The following ERC1 variants were observed in gnomAD, a reference collection of about 807,000 sequenced individuals.
The protein encoded by ERC1 is ELKS/RAB6-interacting/CAST family member 1.
Under a neutral mutation model 132.0 loss-of-function variants are expected in ERC1, and 56 were observed. That is an observed-to-expected ratio of 0.42 (90% CI 0.34 to 0.53). The LOEUF is 0.53. Among genes scored for constraint, ERC1 ranks in the 20% least tolerant of loss-of-function variants. The pLI, the probability that ERC1 is intolerant of heterozygous loss-of-function variation, is 0.03. For missense variants in ERC1, 1,202 were observed against 1,349.9 expected (o/e 0.89, Z 1.72); for synonymous variants, 478 against 476.1 (o/e 1.00, Z -0.05).
intron 18 of ERC1, among the ~76,000 whole-genome samples, chr12:1,457,764 A>G (rs542772293): frequency 1.3e-5 from 2 of 152,166 alleles, no homozygotes; most frequent in Non-Finnish European, 2.9e-5. Flanking sequence ...ATGGTGGTGC[A>G]TGCCTGTGGT....
intron 3 of ERC1, among the ~76,000 whole-genome samples, chr12:1,103,132 C>T (rs975127797): frequency 1.3e-5 from 2 of 152,130 alleles, no homozygotes; most frequent in East Asian, 3.8e-4. Flanking sequence ...GCGACAATGG[C>T]ATTATCACAA....
chr12:1,451,308 C>CT (rs2093420871), intron 18 of ERC1, among the ~76,000 whole-genome samples: 1 of 151,882 alleles, frequency 6.6e-6, no homozygotes, highest in Non-Finnish European at 1.5e-5. Context: ...CATCATATTC[C>CT]TTCTCTCTAA....
intron 15 of ERC1, among the ~76,000 whole-genome samples, chr12:1,350,291 G>C (rs905824566): frequency 3.3e-5 from 5 of 152,220 alleles, no homozygotes; most frequent in African/African-American, 9.6e-5. Flanking sequence ...AGACACAGTG[G>C]TGGGTTGAGA....
intron 2 of ERC1, among the ~76,000 whole-genome samples, chr12:1,036,755 T>C (rs1469881126): frequency 6.6e-6 from 1 of 152,202 alleles, no homozygotes. Flanking sequence ...ATCTATGTCT[T>C]AGATTATTGT....
chr12:1,458,535 C>CTTT (rs767876391), intron 18 of ERC1, among the ~76,000 whole-genome samples: 4 of 133,836 alleles, frequency 3.0e-5, no homozygotes, highest in African/African-American at 1.1e-4. Context: ...TATGTATTTT[C>CTTT]TTTTTTTTTT....
intron 3 of ERC1, among the ~76,000 whole-genome samples, chr12:1,101,004 A>C (rs1328768525): frequency 6.6e-6 from 1 of 152,190 alleles, no homozygotes; most frequent in Non-Finnish European, 1.5e-5. Context: ...GAAAGAGAGT[A>C]GAATAAGGAA....
chr12:1,345,219 C>T (rs944014146), intron 15 of ERC1, among the ~76,000 whole-genome samples: 1 of 125,106 alleles, frequency 8.0e-6, no homozygotes, highest in African/African-American at 3.3e-5. Flanking sequence ...CTCACTCTGT[C>T]GCCCAGGCTG....
At chr12:1,200,876 C>T (rs1320381373) in intron 12 of ERC1, among the ~76,000 whole-genome samples, 4 of 152,108 alleles carry the variant, frequency 2.6e-5, no homozygotes, top group African/African-American at 7.2e-5. Context: ...CTTTTCTTAC[C>T]ATTGCCCATA....
chr12:1,272,816 T>A (rs887503532), intron 14 of ERC1, among the ~76,000 whole-genome samples: 3 of 151,882 alleles, frequency 2.0e-5, no homozygotes, highest in African/African-American at 4.8e-5. Context: ...GGCGCAGTGC[T>A]AGGTGCCCAT....
intron 7 of ERC1, among the ~76,000 whole-genome samples, chr12:1,123,141 AATG>A (rs1295918270): frequency 2.0e-5 from 3 of 152,198 alleles, no homozygotes; most frequent in African/African-American, 4.8e-5. Context: ...TTAAGAAGAT[AATG>A]ATAAGCTTAA....
chr12:1,167,430 A>G (rs562440920), intron 8 of ERC1, among the ~76,000 whole-genome samples: 1 of 152,340 alleles, frequency 6.6e-6, no homozygotes. Flanking sequence ...GAAGTAACTA[A>G]CCACGTGAAG....
intron 12 of ERC1, among the ~76,000 whole-genome samples, chr12:1,232,465 G>C (rs555404380): frequency 6.6e-6 from 1 of 152,260 alleles, no homozygotes; most frequent in South Asian, 2.1e-4. Flanking sequence ...CTGCATCGGA[G>C]CTTCTGTATG....
At chr12:1,361,632 C>T (rs969681675) in intron 15 of ERC1, among the ~76,000 whole-genome samples, 2 of 152,018 alleles carry the variant, frequency 1.3e-5, no homozygotes, top group African/African-American at 4.8e-5. Context: ...CGCATTCCAC[C>T]GTCATGAATA....
intron 1 of ERC1, among the ~76,000 whole-genome samples, chr12:1,008,830 C>G (rs542639434): frequency 6.6e-6 from 1 of 152,146 alleles, no homozygotes; most frequent in East Asian, 1.9e-4. Flanking sequence ...AGTTTCAATT[C>G]CCGTGAAATA....
At chr12:1,488,978 C>T (rs1032150476) in intron 18 of ERC1, among the ~76,000 whole-genome samples, 9 of 152,162 alleles carry the variant, frequency 5.9e-5, no homozygotes, top group African/African-American at 1.4e-4. Context: ...GAGAAAGTGG[C>T]GATGCTCATG....
chr12:1,061,512 A>T (rs180807150), intron 2 of ERC1, among the ~76,000 whole-genome samples: 1 of 151,888 alleles, frequency 6.6e-6, no homozygotes, highest in African/African-American at 2.4e-5. Flanking sequence ...CTGAGGCATG[A>T]GAATCACTTG....
intron 14 of ERC1, among the ~76,000 whole-genome samples, chr12:1,266,962 C>T (rs182610163): frequency 6.6e-6 from 1 of 152,258 alleles, no homozygotes. Context: ...GTATGGGAGC[C>T]ATAGCTCTTA....
At chr12:1,424,867 T>TCG (rs1449478748) in intron 17 of ERC1, among the ~76,000 whole-genome samples, 21 of 109,298 alleles carry the variant, frequency 1.9e-4, no homozygotes, top group Admixed American at 8.8e-5. Flanking sequence ...GATAGATCGA[T>TCG]AGATAGATAG....
chr12:1,183,509 CA>C, intron 11 of ERC1, 88 bp downstream of exon 11: 1 of 825,654 alleles, frequency 1.2e-6, no homozygotes, highest in Non-Finnish European at 1.8e-6. Context: ...AATAATTTAC[CA>C]ATGGAATAAT....
Sources: gnomAD v4.1 joint callset for allele counts (sites outside exome capture counted in the v4.1 genomes callset) on GRCh38, gnomAD v4.1.1 for gene constraint, MANE v1.5 for transcripts, NCBI Gene and HGNC (gene_info 2026-07-23, HGNC 2026-07-21) for gene names.